The following CADPS2 variants were observed in gnomAD, a reference collection of about 807,000 sequenced individuals.
CADPS2 encodes the protein calcium dependent secretion activator 2.
In CADPS2, 93 loss-of-function variants were observed where a neutral mutation model predicts 172.5. The ratio of observed to expected loss-of-function variants is 0.54; its 90% CI spans 0.46 to 0.64. The LOEUF (loss-of-function observed/expected upper bound fraction) is 0.64, where lower values mean the gene tolerates loss of function less well. Ranked by LOEUF, CADPS2 falls within the 30% of genes least tolerant of loss-of-function variation. The probability of loss-of-function intolerance (pLI) is 0.00; values close to 1 mark genes in which losing one functional copy is unlikely to be tolerated. For missense variants in CADPS2, 1,420 were observed against 1,565.9 expected (o/e 0.91, Z 1.57); for synonymous variants, 546 against 555.2 (o/e 0.98, Z 0.23).
intron 9 of CADPS2, among the ~76,000 whole-genome samples, chr7:122,506,738 A>C (rs957220967): frequency 6.6e-6 from 1 of 151,956 alleles, no homozygotes; most frequent in Non-Finnish European, 1.5e-5. Context: ...AAAAAAAAAA[A>C]AAAAACAAAC....
At chr7:122,576,199 TTGTC>T (rs2068016921) in intron 7 of CADPS2, among the ~76,000 whole-genome samples, 1 of 152,172 alleles carries the variant, frequency 6.6e-6, no homozygotes, top group Admixed American at 6.5e-5. Flanking sequence ...CAATCCATGT[TTGTC>T]TGATGATTAG....
chr7:122,808,044 C>G (rs1799175633), intron 1 of CADPS2, among the ~76,000 whole-genome samples: 1 of 152,118 alleles, frequency 6.6e-6, no homozygotes, highest in East Asian at 1.9e-4. Flanking sequence ...ATTCTGAAGC[C>G]TCAGCACTTG....
intron 5 of CADPS2, among the ~76,000 whole-genome samples, chr7:122,621,142 T>G (rs1423441386): frequency 6.6e-6 from 1 of 152,064 alleles, no homozygotes; most frequent in African/African-American, 2.4e-5. Context: ...GCTTAAGTGA[T>G]CCTCTCGCCT....
chr7:122,819,553 C>T (rs1305855025), intron 1 of CADPS2, among the ~76,000 whole-genome samples: 2 of 152,112 alleles, frequency 1.3e-5, no homozygotes, highest in African/African-American at 2.4e-5. Flanking sequence ...CCCTTGCCTC[C>T]ATAACTGTTG....
intron 6 of CADPS2, among the ~76,000 whole-genome samples, chr7:122,607,141 A>G (rs1483246528): frequency 2.6e-5 from 4 of 152,190 alleles, no homozygotes; most frequent in Non-Finnish European, 5.9e-5. Flanking sequence ...GAAAAGCAAG[A>G]ATGGATAAAA....
rs1201610856 is a variant in CADPS2 at position 122,410,185 on chromosome 7, A to G, written c.2590-2489T>C. ...ATGGGGAAACCCCGTCTCTACTAAA[A>G]ATACAAAAATTAGCTGGCGGTGGTG... On this transcript the variant is annotated intron_variant, in intron 19 of 29. Transcript: ENST00000449022. 2.0e-5 allele frequency among the ~76,000 whole-genome samples: 3 copies of G among 152,130 alleles called. No individual in the cohort carries two copies. In the East Asian group the frequency reaches 5.8e-4, roughly 30 times the overall value.
intron 8 of CADPS2, among the ~76,000 whole-genome samples, chr7:122,518,820 C>T (rs377263934): frequency 2.0e-5 from 3 of 151,984 alleles, no homozygotes; most frequent in African/African-American, 7.3e-5. Context: ...ATCTATCACA[C>T]AGCATGAGAG....
At chr7:122,413,774 G>C (rs2047580367) in intron 19 of CADPS2, among the ~76,000 whole-genome samples, 2 of 152,118 alleles carry the variant, frequency 1.3e-5, no homozygotes, top group Non-Finnish European at 2.9e-5. Flanking sequence ...TTTCTGTTTT[G>C]CTTTGTTTTT....
chr7:122,594,986 G>A (rs976936986), intron 6 of CADPS2, among the ~76,000 whole-genome samples: 1 of 151,802 alleles, frequency 6.6e-6, no homozygotes, highest in Non-Finnish European at 1.5e-5. Context: ...AAATGCAATG[G>A]TGTGGAAATG....
At chr7:122,804,231 G>A (rs1798308956) in intron 1 of CADPS2, among the ~76,000 whole-genome samples, 3 of 152,052 alleles carry the variant, frequency 2.0e-5, no homozygotes, top group South Asian at 2.1e-4. Context: ...TCTCCATAAG[G>A]GAAAACTAAT....
chr7:122,698,683 T>G (rs2085538341), intron 2 of CADPS2: 1 of 1,613,830 alleles, frequency 6.2e-7, no homozygotes, highest in African/African-American at 1.3e-5. Context: ...GATTTTTCCC[T>G]CTGGTGGCAC....
intron 9 of CADPS2, among the ~76,000 whole-genome samples, chr7:122,502,625 T>G (rs2059296873): frequency 6.6e-6 from 1 of 152,122 alleles, no homozygotes; most frequent in Non-Finnish European, 1.5e-5. Flanking sequence ...GATTCACATT[T>G]TGTAATAATT....
chr7:122,557,980 C>T lies in CADPS2; in HGVS notation c.1336-3291G>A, dbSNP rs192073960. On this transcript the variant is annotated intron_variant, in intron 7 of 29. Coordinates refer to ENST00000449022, the MANE Select transcript of CADPS2 (RefSeq NM_017954.11). ...CACTGCCAGCCAAGTTCAGAGAACA[C>T]CAATACCTAGGAAACGAAAGAAATC... is the stretch of plus-strand genomic sequence containing the variant. Among the ~76,000 whole-genome samples the T allele has an allele frequency of 7.9e-5, 12 of 152,066 alleles. No individual in the cohort carries two copies. In the East Asian group the frequency reaches 1.9e-3, roughly 25 times the overall value.
At chr7:122,603,834 TA>T (rs1393114523) in intron 6 of CADPS2, among the ~76,000 whole-genome samples, 1 of 152,142 alleles carries the variant, frequency 6.6e-6, no homozygotes, top group Non-Finnish European at 1.5e-5. Flanking sequence ...ATGTAGAATC[TA>T]AAAAAGTTAA....
At chr7:122,354,521 C>T (rs1404216790) in intron 27 of CADPS2, 1 of 152,076 alleles carries the variant, frequency 6.6e-6, no homozygotes, top group African/African-American at 2.4e-5. Flanking sequence ...CAACTTTTTA[C>T]ATACATTTGC....
chr7:122,381,077 T>C (rs1204746940), intron 24 of CADPS2, among the ~76,000 whole-genome samples: 3 of 152,106 alleles, frequency 2.0e-5, no homozygotes, highest in African/African-American at 4.8e-5. Context: ...TGAGACCAGC[T>C]GAACAATTCC....
chr7:122,720,787 G>C (rs2090303969), intron 2 of CADPS2, among the ~76,000 whole-genome samples: 1 of 151,842 alleles, frequency 6.6e-6, no homozygotes, highest in Non-Finnish European at 1.5e-5. Flanking sequence ...GCCACACATA[G>C]AAACAACGAT....
chr7:122,505,136 A>T (rs1253435478), intron 9 of CADPS2, among the ~76,000 whole-genome samples: 1 of 152,188 alleles, frequency 6.6e-6, no homozygotes, highest in Non-Finnish European at 1.5e-5. Flanking sequence ...TCATATTGTC[A>T]TGTGTTAAAG....
intron 8 of CADPS2, among the ~76,000 whole-genome samples, chr7:122,523,062 TTC>T (rs1438714426): frequency 3.9e-5 from 6 of 152,298 alleles, no homozygotes; most frequent in South Asian, 4.1e-4. Flanking sequence ...ATTCACTGAT[TTC>T]TGTTTCTTTT....
Sources: allele counts gnomAD v4.1 joint callset (sites outside exome capture counted in the v4.1 genomes callset), GRCh38; gene constraint gnomAD v4.1.1; transcripts MANE v1.5; gene names NCBI Gene and HGNC (gene_info 2026-07-23, HGNC 2026-07-21).